CNTNAP2: variants seen among roughly 807,000 people sequenced by gnomAD.
CNTNAP2 encodes contactin associated protein 2.
In CNTNAP2, 98 loss-of-function variants were observed where a neutral mutation model predicts 155.2. The ratio of observed to expected loss-of-function variants is 0.63; its 90% CI spans 0.54 to 0.75. CNTNAP2 has a LOEUF of 0.75. CNTNAP2 is among the 30% of genes least tolerant of loss of function. The pLI, the probability that CNTNAP2 is intolerant of heterozygous loss-of-function variation, is 0.00. For missense variants in CNTNAP2, 1,727 were observed against 1,688.1 expected, an observed-to-expected ratio of 1.02 and a Z score of -0.40; for synonymous variants, 651 against 631.2, an observed-to-expected ratio of 1.03 and a Z score of -0.47.
chr7:147,458,018 C>G (rs1020561456), intron 10 of CNTNAP2, among the ~76,000 whole-genome samples: 1 of 152,046 alleles, frequency 6.6e-6, no homozygotes, highest in Non-Finnish European at 1.5e-5. Flanking sequence ...TCAAAGCACT[C>G]CATGGTTTAT....
At chr7:146,555,211 G>C (rs1798179314) in intron 1 of CNTNAP2, among the ~76,000 whole-genome samples, 1 of 152,094 alleles carries the variant, frequency 6.6e-6, no homozygotes, top group Non-Finnish European at 1.5e-5. Flanking sequence ...AAAAGCTAAA[G>C]ATGCAGTGTG....
intron 1 of CNTNAP2, among the ~76,000 whole-genome samples, chr7:146,308,136 A>T (rs564574668): frequency 2.6e-5 from 4 of 152,310 alleles, no homozygotes; most frequent in African/African-American, 7.2e-5. Context: ...ACAAGAAAAA[A>T]ATCAAACAAC....
chr7:147,034,069 A>G (rs546684745), intron 3 of CNTNAP2, among the ~76,000 whole-genome samples: 1 of 152,184 alleles, frequency 6.6e-6, no homozygotes, highest in South Asian at 2.1e-4. Flanking sequence ...AGGGCCAGGT[A>G]ATTCATGAAT....
At chr7:146,500,676 G>A (rs1018317127) in intron 1 of CNTNAP2, among the ~76,000 whole-genome samples, 2 of 152,118 alleles carry the variant, frequency 1.3e-5, no homozygotes, top group African/African-American at 4.8e-5. Context: ...CAAAGGGATG[G>A]CTTTGTTTCT....
At chr7:147,855,625 A>G (rs886591423) in intron 13 of CNTNAP2, among the ~76,000 whole-genome samples, 3 of 149,142 alleles carry the variant, frequency 2.0e-5, no homozygotes, top group Non-Finnish European at 4.5e-5. Flanking sequence ...GGTCTCTACT[A>G]AAAAAAAAAT....
intron 8 of CNTNAP2, among the ~76,000 whole-genome samples, chr7:147,286,735 C>T (rs1422677096): frequency 1.3e-5 from 2 of 152,034 alleles, no homozygotes; most frequent in Non-Finnish European, 1.5e-5. Flanking sequence ...ATTCAAAGTT[C>T]TTCTCCTTTA....
chr7:146,511,057 C>A (rs554449148), intron 1 of CNTNAP2, among the ~76,000 whole-genome samples: 1 of 152,016 alleles, frequency 6.6e-6, no homozygotes, highest in South Asian at 2.1e-4. Flanking sequence ...TCACCATGCC[C>A]AGCTAATTTT....
intron 8 of CNTNAP2, among the ~76,000 whole-genome samples, chr7:147,173,135 G>A (rs887869550): frequency 6.6e-6 from 1 of 152,144 alleles, no homozygotes; most frequent in Non-Finnish European, 1.5e-5. Flanking sequence ...AATGTGTCTT[G>A]ATGGTATTAA....
chr7:147,489,759 G>T (rs893243400), intron 11 of CNTNAP2, among the ~76,000 whole-genome samples: 2 of 152,130 alleles, frequency 1.3e-5, no homozygotes, highest in African/African-American at 4.8e-5. Context: ...GGGACTACAG[G>T]CACGTGCCAC....
At chr7:146,995,943 A>T (rs1261618105) in intron 3 of CNTNAP2, among the ~76,000 whole-genome samples, 2 of 152,050 alleles carry the variant, frequency 1.3e-5, no homozygotes, top group African/African-American at 4.8e-5. Flanking sequence ...AAAACAAAAC[A>T]AAACAAAACA....
At chr7:146,310,699 C>T (rs1222762586) in intron 1 of CNTNAP2, among the ~76,000 whole-genome samples, 1 of 152,048 alleles carries the variant, frequency 6.6e-6, no homozygotes, top group South Asian at 2.1e-4. Context: ...TTACTACGAT[C>T]AAAGTAGCAA....
At chr7:147,837,154 C>A (rs1384500148) in intron 13 of CNTNAP2, among the ~76,000 whole-genome samples, 3 of 152,228 alleles carry the variant, frequency 2.0e-5, no homozygotes, top group Admixed American at 6.5e-5. Context: ...CGAGACTGGG[C>A]AATTTACAAA....
chr7:148,058,642 C>T (rs766265608), intron 15 of CNTNAP2, among the ~76,000 whole-genome samples: 1 of 152,042 alleles, frequency 6.6e-6, no homozygotes, highest in Non-Finnish European at 1.5e-5. Context: ...CAAGGCGTGT[C>T]GCTTGACTGA....
At chr7:147,358,067 T>C (rs995817563) in intron 9 of CNTNAP2, among the ~76,000 whole-genome samples, 13 of 152,142 alleles carry the variant, frequency 8.5e-5, no homozygotes, top group African/African-American at 2.9e-4. Context: ...AAAACTTTCT[T>C]ATGATATCAT....
intron 1 of CNTNAP2, among the ~76,000 whole-genome samples, chr7:146,555,465 C>T (rs1798183501): frequency 6.6e-6 from 1 of 151,568 alleles, no homozygotes; most frequent in Non-Finnish European, 1.5e-5. Flanking sequence ...ATTTATCCAT[C>T]TATATGTAAT....
intron 1 of CNTNAP2, among the ~76,000 whole-genome samples, chr7:146,761,765 T>A (rs1252090325): frequency 6.6e-6 from 1 of 152,070 alleles, no homozygotes; most frequent in Non-Finnish European, 1.5e-5. Context: ...TCCCATTGCT[T>A]ATAGCTAACT....
intron 13 of CNTNAP2, among the ~76,000 whole-genome samples, chr7:147,777,205 G>T (rs1326495536): frequency 1.3e-5 from 2 of 152,042 alleles, no homozygotes; most frequent in Non-Finnish European, 2.9e-5. Context: ...CCTTCTTCAA[G>T]TCTAAAAATT....
chr7:147,790,029 T>G (rs1293188638), intron 13 of CNTNAP2, among the ~76,000 whole-genome samples: 1 of 152,192 alleles, frequency 6.6e-6, no homozygotes, highest in African/African-American at 2.4e-5. Context: ...TAATAAACTC[T>G]TTTTCATATA....
intron 1 of CNTNAP2, among the ~76,000 whole-genome samples, chr7:146,670,026 G>A (rs1800273819): frequency 1.3e-5 from 2 of 151,962 alleles, no homozygotes; most frequent in Admixed American, 1.3e-4. Flanking sequence ...TCTATAATAG[G>A]CCTTTTAAAG....
Sources: gnomAD v4.1 joint callset for allele counts (sites outside exome capture counted in the v4.1 genomes callset) on GRCh38, gnomAD v4.1.1 for gene constraint, MANE v1.5 for transcripts, NCBI Gene and HGNC (gene_info 2026-07-23, HGNC 2026-07-21) for gene names.